Variants in KLHL13 observed in about 807,000 individuals in gnomAD.
KLHL13 encodes the protein kelch like family member 13.
Under a neutral mutation model 37.1 loss-of-function variants are expected in KLHL13, and 10 were observed. The ratio of observed to expected loss-of-function variants is 0.27; its 90% CI spans 0.17 to 0.46. The LOEUF (loss-of-function observed/expected upper bound fraction) is 0.46, where lower values mean the gene tolerates loss of function less well. Among genes scored for constraint, KLHL13 ranks in the 20% least tolerant of loss-of-function variants. The pLI, the probability that KLHL13 is intolerant of heterozygous loss-of-function variation, is 1.00. For missense variants in KLHL13, 360 were observed against 509.3 expected (o/e 0.71, Z 2.82); for synonymous variants, 163 against 181.2 (o/e 0.90, Z 0.81).
At chrX:117,907,775 A>T (rs1264892068) in intron 5 of KLHL13, among the ~76,000 whole-genome samples, 1 of 110,934 alleles carries the variant, frequency 9.0e-6, no homozygotes, top group Non-Finnish European at 1.9e-5. Flanking sequence ...GGTCTTAGAA[A>T]AAAATATCAT....
chrX:118,066,373 C>A (rs748808498), intron 1 of KLHL13, among the ~76,000 whole-genome samples: 2 of 112,020 alleles, frequency 1.8e-5, no homozygotes, highest in South Asian at 7.4e-4. Context: ...CAATCCCATG[C>A]TTCCAAAATA....
In KLHL13 at chrX:117,914,660, A is replaced by ATAAT. The variant is rs779982743; in HGVS notation, c.571-4568_571-4565dup. Reference sequence around the variant, plus strand: ...TTGGTAAGAACAAAGGGATAATTGAATAATAAACACCTCTCTCTCTTTCAG... The same window carrying ATAAT: ...TTGGTAAGAACAAAGGGATAATTGAATAATTAATAAACACCTCTCTCTCTTTCAG... On this transcript the variant is annotated intron_variant, in intron 4 of 6. Transcript: ENST00000262820. Among the ~76,000 whole-genome samples, 440 of 112,241 alleles carry ATAAT rather than the reference A, an allele frequency of 3.9e-3. 2 individuals are homozygous for ATAAT. Among genetic ancestry groups the ATAAT allele is most frequent in the African/African-American group, 0.013 (410 of 30,970 alleles).
chrX:118,088,010 A>C (rs2055074638), intron 1 of KLHL13, among the ~76,000 whole-genome samples: 1 of 112,195 alleles, frequency 8.9e-6, no homozygotes, highest in African/African-American at 3.2e-5. Context: ...TTTATTTATG[A>C]CCATCAATGG....
At chrX:117,906,616 A>G (rs1311479274) in intron 5 of KLHL13, among the ~76,000 whole-genome samples, 1 of 111,077 alleles carries the variant, frequency 9.0e-6, no homozygotes, top group Non-Finnish European at 1.9e-5. Flanking sequence ...TGAAATCAAG[A>G]CTCTAAATTT....
intron 1 of KLHL13, among the ~76,000 whole-genome samples, chrX:118,072,883 C>A (rs1602701686): frequency 9.0e-6 from 1 of 110,718 alleles, no homozygotes; most frequent in East Asian, 2.9e-4. Context: ...CACTTGAGCC[C>A]AGGAGTTTGA....
chrX:117,995,558 G>T (rs943441839), intron 1 of KLHL13, among the ~76,000 whole-genome samples: 2 of 111,526 alleles, frequency 1.8e-5, no homozygotes, highest in East Asian at 5.6e-4. Flanking sequence ...GTGGCATTCA[G>T]TGCATTCAGA....
intron 2 of KLHL13, among the ~76,000 whole-genome samples, chrX:117,940,929 C>A (rs942687974): frequency 9.0e-6 from 1 of 111,608 alleles, no homozygotes; most frequent in South Asian, 3.7e-4. Context: ...TTTGAATAAA[C>A]TTTATTTCTT....
At chrX:118,032,521 G>A (rs1280772355) in intron 1 of KLHL13, among the ~76,000 whole-genome samples, 2 of 112,055 alleles carry the variant, frequency 1.8e-5, no homozygotes, top group Admixed American at 9.5e-5. Flanking sequence ...CAGACCTGCA[G>A]CTGAGGGTCC....
chrX:118,053,836 AGAGAGAGAGAGAG>A lies in KLHL13; in HGVS notation c.-56+62659_-56+62671del, dbSNP rs1389131925. 2.1e-4 allele frequency among the ~76,000 whole-genome samples: 8 copies of A among 38,719 alleles called. 1 individual carries two copies. The highest frequency in any genetic ancestry group is 2.5e-3 in the South Asian group (1 of 405). The allele number at this position is 38,719 out of a possible 115,157, so 33.6% of individuals were successfully genotyped here. ...GAGAGAGAGGAGAGGAGAGAGAGAG[AGAGAGAGAGAGAG>A]GAGAGAGAGAGAGAGAGAGAGAGAG... On this transcript the variant is annotated intron_variant, in intron 1 of 6. Coordinates refer to the KLHL13 transcript ENST00000371882.
chrX:118,072,745 A>T (rs1023328837), intron 1 of KLHL13, among the ~76,000 whole-genome samples: 2 of 112,152 alleles, frequency 1.8e-5, no homozygotes, highest in African/African-American at 6.5e-5. Context: ...ATAGATCCAC[A>T]AAAGTTTAGA....
At chrX:118,060,544 TTTACA>T (rs1354551918) in intron 1 of KLHL13, among the ~76,000 whole-genome samples, 1 of 110,834 alleles carries the variant, frequency 9.0e-6, no homozygotes, top group East Asian at 2.9e-4. Context: ...TACCAGACAC[TTTACA>T]TTAGTTACTT....
chrX:117,898,060 C>A (rs1929845598), exon 7 of KLHL13: 1 of 111,873 alleles, frequency 8.9e-6, no homozygotes, highest in Admixed American at 9.5e-5. Flanking sequence ...CCTTATCCAC[C>A]TAAATTCTGT....
intron 1 of KLHL13, among the ~76,000 whole-genome samples, chrX:117,962,922 T>C (rs1000970853): frequency 9.8e-5 from 11 of 111,934 alleles, no homozygotes; most frequent in African/African-American, 3.2e-4. Context: ...ACAGGGCTTT[T>C]TGGGAGGAAT....
chrX:118,047,703 A>G (rs754738245), intron 1 of KLHL13, among the ~76,000 whole-genome samples: 2 of 112,222 alleles, frequency 1.8e-5, no homozygotes, highest in Admixed American at 9.4e-5. Flanking sequence ...ACACATGTGC[A>G]TGCACATGCA....
intron 1 of KLHL13, among the ~76,000 whole-genome samples, chrX:117,966,115 G>C (rs2053424012): frequency 1.8e-5 from 2 of 111,693 alleles, no homozygotes; most frequent in Non-Finnish European, 3.8e-5. Context: ...AAGTCAAATT[G>C]TCCCTGTTTG....
At chrX:118,054,961 G>T (rs1164432631) in intron 1 of KLHL13, among the ~76,000 whole-genome samples, 6 of 24,841 alleles carry the variant, frequency 2.4e-4, no homozygotes, top group African/African-American at 4.3e-4. Flanking sequence ...TTCAAATATG[G>T]TAAAAAAAAA....
At chrX:117,998,772 C>G (rs771750455) in intron 1 of KLHL13, among the ~76,000 whole-genome samples, 1 of 110,836 alleles carries the variant, frequency 9.0e-6, no homozygotes, top group South Asian at 3.9e-4. Flanking sequence ...AGCTACTGAC[C>G]ACTGGGTAAA....
chrX:117,982,257 C>T (rs1253372472), intron 1 of KLHL13, among the ~76,000 whole-genome samples: 2 of 110,891 alleles, frequency 1.8e-5, no homozygotes, highest in Non-Finnish European at 3.8e-5. Flanking sequence ...TTTTAAATTA[C>T]TTTACAATAA....
intron 1 of KLHL13, among the ~76,000 whole-genome samples, chrX:118,035,807 C>A (rs1304044311): frequency 9.5e-6 from 1 of 105,572 alleles, no homozygotes; most frequent in African/African-American, 3.7e-5. Context: ...CAAATTGTCC[C>A]TGTTTGCAGA....
Sources: allele counts gnomAD v4.1 joint callset (sites outside exome capture counted in the v4.1 genomes callset), GRCh38; gene constraint gnomAD v4.1.1; transcripts MANE v1.5; gene names NCBI Gene and HGNC (gene_info 2026-07-23, HGNC 2026-07-21).